BIRC6: variants seen among roughly 807,000 people sequenced by gnomAD.
The protein encoded by BIRC6 is baculoviral IAP repeat containing 6, also known as dual E2 ubiquitin-conjugating enzyme/E3 ubiquitin-protein ligase BIRC6.
Under a neutral mutation model 503.3 loss-of-function variants are expected in BIRC6, and 98 were observed. That is an observed-to-expected ratio of 0.19 (90% CI 0.17 to 0.23). The LOEUF (loss-of-function observed/expected upper bound fraction) is 0.23. Ranked by LOEUF, BIRC6 falls within the 10% of genes least tolerant of loss-of-function variation. The probability of loss-of-function intolerance (pLI) is 1.00; values close to 1 mark genes in which losing one functional copy is unlikely to be tolerated. For missense variants in BIRC6, 5,360 were observed against 5,806.0 expected (o/e 0.92, Z 2.50); for synonymous variants, 2,240 against 2,078.7 (o/e 1.08, Z -2.11).
At chr2:32,384,777 C>T (rs1307340858) in intron 3 of BIRC6, among the ~76,000 whole-genome samples, 2 of 152,176 alleles carry the variant, frequency 1.3e-5, no homozygotes. Flanking sequence ...ATTTTGCACA[C>T]AAGTCCATTG....
At chr2:32,404,176 T>G (rs1403108271) in intron 8 of BIRC6, among the ~76,000 whole-genome samples, 2 of 150,604 alleles carry the variant, frequency 1.3e-5, no homozygotes, top group Non-Finnish European at 2.9e-5. Flanking sequence ...ATGATCCACC[T>G]GCCTTGGCCT....
chr2:32,543,320 A>T lies in BIRC6; in HGVS notation c.12371A>T (p.Gln4124Leu). The stretch of plus-strand genomic sequence containing the variant: ...CAGTTTGAATGGGTGACCATTGAAC[A>T]GTCAGGGGAGTTAGTTTATGAAGCA... ...SDQFEWVTIE[Q>L]SGELVYEAPE... The change falls in exon 62 of 74, where the codon CAG (glutamine) becomes CTG (leucine). Residue 4124 changes from glutamine to leucine, a missense_variant. Coordinates refer to ENST00000421745, the MANE Select transcript of BIRC6 (RefSeq NM_016252.4). 1.2e-6 allele frequency: 2 copies of T among 1,614,058 alleles called. No individual in the cohort carries two copies. The highest frequency in any genetic ancestry group is 1.7e-6 in the Non-Finnish European group (2 of 1,179,904).
intron 45 of BIRC6, among the ~76,000 whole-genome samples, chr2:32,497,289 A>G (rs1037137358): frequency 2.6e-5 from 4 of 152,256 alleles, no homozygotes; most frequent in Admixed American, 2.0e-4. Context: ...CCCAATCGGC[A>G]TATGCCACTA....
intron 66 of BIRC6, among the ~76,000 whole-genome samples, chr2:32,581,887 G>C (rs2060699201): frequency 6.6e-6 from 1 of 152,136 alleles, no homozygotes; most frequent in Non-Finnish European, 1.5e-5. Flanking sequence ...TTTTGAGACG[G>C]AGTCTTACTC....
At chr2:32,408,485 T>A (rs1201816555) in intron 9 of BIRC6, among the ~76,000 whole-genome samples, 4 of 152,210 alleles carry the variant, frequency 2.6e-5, no homozygotes, top group Admixed American at 2.6e-4. Context: ...AGTTTTTCCT[T>A]TGTAAAGTGT....
In BIRC6 at chr2:32,493,636, C is replaced by T; in HGVS notation, c.8437C>T (p.Leu2813Phe). The change falls in exon 45 of 74, where the codon CTC becomes TTC. Residue 2813 changes from leucine to phenylalanine, a missense_variant. Leu to Phe is a conservative substitution (Grantham distance 22). Coordinates refer to ENST00000421745, the MANE Select transcript of BIRC6 (RefSeq NM_016252.4). ...TCCTCAGATATTCAGTGAATTTTTG[C>T]TCAAGCTAATTCATATACTTTCAAC... ...TCPQIFSEFL[L>F]KLIHILSTER... 1 of 1,608,154 alleles carries T rather than the reference C, an allele frequency of 6.2e-7. No homozygotes were observed. Among genetic ancestry groups the T allele is most frequent in the Non-Finnish European group, 8.5e-7 (1 of 1,176,218 alleles).
At chr2:32,535,809 G>A (rs1041198089) in intron 61 of BIRC6, among the ~76,000 whole-genome samples, 7 of 152,236 alleles carry the variant, frequency 4.6e-5, no homozygotes, top group African/African-American at 1.7e-4. Flanking sequence ...ATAATCCTTT[G>A]GGTATATACC....
intron 65 of BIRC6, among the ~76,000 whole-genome samples, chr2:32,555,127 A>G (rs1171679475): frequency 6.6e-6 from 1 of 152,226 alleles, no homozygotes; most frequent in African/African-American, 2.4e-5. Context: ...CTGTCGTAAC[A>G]TGATACTTAA....
At chr2:32,600,707 T>C (rs1559136722) in intron 70 of BIRC6, among the ~76,000 whole-genome samples, 1 of 152,200 alleles carries the variant, frequency 6.6e-6, no homozygotes, top group Non-Finnish European at 1.5e-5. Flanking sequence ...GAGAAGAGGG[T>C]AAGGGCTTGG....
chr2:32,591,930 T>C lies in BIRC6; in HGVS notation c.13356-1985T>C, dbSNP rs557495660. 5.7e-4 allele frequency among the ~76,000 whole-genome samples: 87 copies of C among 152,298 alleles called. No homozygotes were observed. In the South Asian group the frequency reaches 0.018, roughly 31 times the overall value. On this transcript the variant is annotated intron_variant, in intron 66 of 73. Transcript: ENST00000421745. ...TCTCAGTGTTTGACACTGATTGTTA[T>C]TAGCTATTGACAAATGCAGAAGTTG...
At position 32,509,798 on chromosome 2, in the gene BIRC6, G is replaced by T; in HGVS notation, c.10041G>T (p.Met3347Ile). The T allele has an allele frequency of 6.2e-7, 1 of 1,614,026 alleles. No individual in the cohort carries two copies. The highest frequency in any genetic ancestry group is 8.5e-7 in the Non-Finnish European group (1 of 1,179,886). Residue 3347 changes from methionine to isoleucine, a missense_variant, in exon 52 of 74, where the codon ATG becomes ATT. Met to Ile is a conservative substitution (Grantham distance 10). This residue lies in a region of BIRC6 where 878 missense variants were observed against 928.9 expected (regional missense o/e 0.95). Coordinates refer to ENST00000421745, the MANE Select transcript of BIRC6 (RefSeq NM_016252.4). ...CLTHISDLEGMMASAAAPTAN... is the reference protein window; with the variant it reads ...CLTHISDLEGIMASAAAPTAN... ...CTCACATAAGTGATCTAGAAGGAAT[G>T]ATGGCAAGTGCAGCTGCACCTACTG...
chr2:32,505,345 T>A, intron 50 of BIRC6, 140 bp downstream of exon 50: 1 of 660,862 alleles, frequency 1.5e-6, no homozygotes, highest in South Asian at 2.1e-5. Flanking sequence ...TTTATTGAAA[T>A]AATTAATACT....
chr2:32,547,832 A>AT lies in BIRC6; in HGVS notation c.12811-12dup. 1 of 1,528,988 alleles carries AT rather than the reference A, an allele frequency of 6.5e-7. No individual in the cohort carries two copies. The highest frequency in any genetic ancestry group is 8.8e-7 in the Non-Finnish European group (1 of 1,139,500). The allele number at this position is 1,528,988 out of a possible 1,614,324, so 94.7% of individuals were successfully genotyped here. A position where few individuals can be genotyped will look rare whatever the true frequency, so the allele number is the denominator to read the frequency against. ...CAAAAACAAATTGTAATGGATTTTC[A>AT]TTTTTTGTTATTTTAAGCCACAGGT... is the stretch of plus-strand genomic sequence containing the variant. On this transcript the variant is annotated splice_polypyrimidine_tract_variant and intron_variant, in intron 63 of 73. Transcript: ENST00000421745.
chr2:32,530,991 A>C (rs1178081915), intron 60 of BIRC6, among the ~76,000 whole-genome samples: 2 of 152,240 alleles, frequency 1.3e-5, no homozygotes, highest in Non-Finnish European at 2.9e-5. Context: ...TATTTATTTT[A>C]ACATAGGATA....
intron 37 of BIRC6, 110 bp from the exon 38 acceptor site, chr2:32,481,210 T>TA (rs939982902): frequency 2.2e-6 from 2 of 914,582 alleles, no homozygotes; most frequent in African/African-American, 3.4e-5. Context: ...TTTTTTTTTT[T>TA]AGGCATATGT....
intron 49 of BIRC6, among the ~76,000 whole-genome samples, chr2:32,503,807 C>T (rs72855961): frequency 0.031 from 4,765 of 152,208 alleles, 168 homozygotes; most frequent in African/African-American, 0.09. Context: ...AGAAACTAAA[C>T]AGAGATTCTT....
intron 65 of BIRC6, among the ~76,000 whole-genome samples, chr2:32,568,820 G>A (rs1464333393): frequency 1.3e-5 from 2 of 151,530 alleles, no homozygotes; most frequent in Non-Finnish European, 2.9e-5. Context: ...CTCCAGTCTG[G>A]GCAACAGGAG....
intron 65 of BIRC6, among the ~76,000 whole-genome samples, chr2:32,571,983 G>A (rs2059945824): frequency 6.6e-6 from 1 of 152,102 alleles, no homozygotes; most frequent in Admixed American, 6.5e-5. Context: ...TGTTGACCCA[G>A]TGATCATTCA....
At position 32,508,272 on chromosome 2, in the gene BIRC6, TGTC is replaced by T; in HGVS notation, c.9980+14_9980+16del. On this transcript the variant is annotated intron_variant, in intron 51 of 73. Transcript: ENST00000421745. ...TATCCAAAACAAGGTATGTTTTGTT[TGTC>T]CTTTTTTTTTTTTTTTTTTTTTTTT... 1 of 1,385,722 alleles carries T rather than the reference TGTC, an allele frequency of 7.2e-7. No individual in the cohort carries two copies. The allele number at this position is 1,385,722 out of a possible 1,614,324, so 85.8% of individuals were successfully genotyped here.
Sources: gnomAD v4.1 joint callset for allele counts (sites outside exome capture counted in the v4.1 genomes callset) on GRCh38, gnomAD v4.1.1 for gene constraint, gnomAD v4.1.1 regional missense constraint, MANE v1.5 for transcripts, NCBI Gene and HGNC (gene_info 2026-07-23, HGNC 2026-07-21) for gene names.